CXADR: variants seen among roughly 807,000 people sequenced by gnomAD.
CXADR encodes the protein coxsackievirus and adenovirus receptor.
CXADR carries 20 observed loss-of-function variants against 40.3 expected under a neutral mutation model. That is an observed-to-expected ratio of 0.50 (90% CI 0.35 to 0.72). The LOEUF (loss-of-function observed/expected upper bound fraction) is 0.72, where lower values mean the gene tolerates loss of function less well. CXADR is among the 30% of genes least tolerant of loss of function. The probability of loss-of-function intolerance (pLI) is 0.01; values close to 1 mark genes in which losing one functional copy is unlikely to be tolerated. For synonymous variants in CXADR, 150 were observed against 161.3 expected (o/e 0.93, Z 0.53); for missense variants, 332 against 449.1 (o/e 0.74, Z 2.36).
intron 1 of CXADR, among the ~76,000 whole-genome samples, chr21:17,528,807 A>G (rs1464770314): frequency 6.6e-6 from 1 of 152,036 alleles, no homozygotes; most frequent in African/African-American, 2.4e-5. Context: ...CTTCTCCTTA[A>G]TATCAGTGAG....
intron 3 of CXADR, among the ~76,000 whole-genome samples, chr21:17,554,495 G>A (rs1011920131): frequency 9.2e-5 from 14 of 152,194 alleles, no homozygotes; most frequent in African/African-American, 3.1e-4. Context: ...CAAGGAGGGG[G>A]AGAGGGGATA....
the CXADR span, among the ~76,000 whole-genome samples, chr21:17,608,572 A>G: frequency 6.6e-6 from 1 of 151,672 alleles, no homozygotes; most frequent in East Asian, 1.9e-4. Flanking sequence ...TTTTTTTCAA[A>G]GAACATATAA....
At chr21:17,582,748 G>A (rs186960493) in intron 7 of CXADR, among the ~76,000 whole-genome samples, 8 of 152,220 alleles carry the variant, frequency 5.3e-5, no homozygotes, top group Admixed American at 6.5e-5. Context: ...TCAAGTTGTC[G>A]GAATTTTTGC....
chr21:17,572,293 C>G (rs554160240), downstream of CXADR, among the ~76,000 whole-genome samples: 2 of 151,660 alleles, frequency 1.3e-5, no homozygotes, highest in African/African-American at 4.8e-5. Context: ...TTGCTTGAAC[C>G]TGGGAGGCAG....
intron 7 of CXADR, among the ~76,000 whole-genome samples, chr21:17,586,817 C>T (rs1307895946): frequency 6.6e-6 from 1 of 151,826 alleles, no homozygotes; most frequent in Non-Finnish European, 1.5e-5. Flanking sequence ...ATACATGTGC[C>T]GTGTTGGTGT....
chr21:17,559,371 G>A (rs1417373503), intron 4 of CXADR, among the ~76,000 whole-genome samples: 2 of 151,126 alleles, frequency 1.3e-5, no homozygotes, highest in African/African-American at 4.9e-5. Flanking sequence ...AATGTGTAGA[G>A]ACAGGATCTC....
rs1030245611 is a variant in CXADR, at chr21:17,565,345, C to T, written c.834-83C>T. 8 of 1,447,526 alleles carry T rather than the reference C, an allele frequency of 5.5e-6. No homozygotes were observed. In the African/African-American group the frequency reaches 8.5e-5, roughly 15 times the overall value. 89.7% of individuals were successfully genotyped at this position (1,447,526 alleles called of 1,614,324 possible). A position where few individuals can be genotyped will look rare whatever the true frequency, so the allele number is the denominator to read the frequency against. On this transcript the variant is annotated intron_variant, in intron 6 of 6. Transcript: ENST00000284878. ...TATGTTTAGTACCTAAATACAGGCTCTTATCCATGATTCATAGCTTGCATA... is the reference window on the plus strand; with the variant it reads ...TATGTTTAGTACCTAAATACAGGCTTTTATCCATGATTCATAGCTTGCATA...
intron 7 of CXADR, among the ~76,000 whole-genome samples, chr21:17,590,991 GTGGT>G (rs2061430963): frequency 6.6e-6 from 1 of 152,010 alleles, no homozygotes; most frequent in Non-Finnish European, 1.5e-5. Flanking sequence ...AGATTTATTA[GTGGT>G]TAATCAATAG....
At chr21:17,607,641 C>G in the CXADR span, among the ~76,000 whole-genome samples, 4 of 152,190 alleles carry the variant, frequency 2.6e-5, no homozygotes, top group African/African-American at 4.8e-5. Flanking sequence ...GCTGTACTTG[C>G]AAGAGCCCAG....
rs1489946432 is a variant in CXADR at position 17,560,728 on chromosome 21, A to G, written c.598A>G (p.Lys200Glu). 6.2e-7 allele frequency: 1 copy of G among 1,613,440 alleles called. No homozygotes were observed. The highest frequency in any genetic ancestry group is 1.1e-5 in the South Asian group (1 of 91,056). ...AEMTSSVISV[K>E]NASSEYSGTY... is the part of the protein sequence containing the mutation. Reference sequence around the variant, plus strand: ...AATGACTTCATCTGTTATATCTGTAAAAAATGCCTCTTCTGAGTACTCTGG... The same window carrying G: ...AATGACTTCATCTGTTATATCTGTAGAAAATGCCTCTTCTGAGTACTCTGG... Residue 200 changes from lysine to glutamate, a missense_variant, in exon 5 of 7, where the codon AAA (lysine) becomes GAA (glutamate). Around this residue, in one of 3 missense-constraint regions of CXADR, gnomAD observed 20 missense variants for 56.4 expected, o/e 0.35. Transcript: ENST00000284878.
chr21:17,587,688 C>T (rs2061407558), intron 7 of CXADR, among the ~76,000 whole-genome samples: 1 of 152,080 alleles, frequency 6.6e-6, no homozygotes, highest in Admixed American at 6.6e-5. Flanking sequence ...CTGTAGGTTG[C>T]CTGTTCACTC....
chr21:17,533,001 A>G (rs1272049278), intron 1 of CXADR, among the ~76,000 whole-genome samples: 3 of 152,098 alleles, frequency 2.0e-5, no homozygotes, highest in African/African-American at 7.2e-5. Flanking sequence ...GACTCAGAGA[A>G]CTCCTGCTAA....
downstream of CXADR, among the ~76,000 whole-genome samples, chr21:17,572,708 T>C (rs1448610207): frequency 1.3e-5 from 2 of 152,050 alleles, no homozygotes; most frequent in Non-Finnish European, 2.9e-5. Flanking sequence ...TAACTAACGT[T>C]GTTTTTTTTC....
chr21:17,534,729 T>G (rs908712419), intron 1 of CXADR, among the ~76,000 whole-genome samples: 2 of 152,026 alleles, frequency 1.3e-5, no homozygotes, highest in African/African-American at 4.8e-5. Context: ...CTCGAACCTC[T>G]AAATCTACTT....
At chr21:17,571,205 C>T (rs1325485909), downstream of CXADR, among the ~76,000 whole-genome samples, 1 of 152,198 alleles carries the variant, frequency 6.6e-6, no homozygotes, top group African/African-American at 2.4e-5. Context: ...TTAAATACCA[C>T]TTATTACTAG....
chr21:17,556,228 A>G (rs2061033657), intron 3 of CXADR, among the ~76,000 whole-genome samples: 1 of 152,230 alleles, frequency 6.6e-6, no homozygotes. Flanking sequence ...CCAGCAGAGT[A>G]CCATGGGTTA....
At chr21:17,550,611 C>T (rs1444869482) in intron 2 of CXADR, among the ~76,000 whole-genome samples, 1 of 151,932 alleles carries the variant, frequency 6.6e-6, no homozygotes, top group Non-Finnish European at 1.5e-5. Flanking sequence ...GCTCTTTGGC[C>T]CATGGGTCTC....
intron 1 of CXADR, chr21:17,530,373 C>T (rs1369308028): frequency 2.2e-6 from 1 of 451,952 alleles, no homozygotes; most frequent in Non-Finnish European, 4.4e-6. Flanking sequence ...TATTTTACTT[C>T]TCATGTTGGT....
rs566551589 is a variant in CXADR, at chr21:17,530,028, A to G, written c.43+16856A>G. ...TAGTGGCTTGATCTCGACTCACTGC[A>G]ACCTACACCTCCTGGGTTCAAGCGA... On this transcript the variant is annotated intron_variant, in intron 1 of 6. Coordinates refer to ENST00000284878, the MANE Select transcript of CXADR (RefSeq NM_001338.5). Among the ~76,000 whole-genome samples, 404 of 150,410 alleles carry G rather than the reference A, an allele frequency of 2.7e-3. 4 individuals carry two copies. Among genetic ancestry groups the G allele is most frequent in the African/African-American group, 9.5e-3 (387 of 40,892 alleles).
Sources: gnomAD v4.1 joint callset for allele counts (sites outside exome capture counted in the v4.1 genomes callset) on GRCh38, gnomAD v4.1.1 for gene constraint, gnomAD v4.1.1 regional missense constraint, MANE v1.5 for transcripts, NCBI Gene and HGNC (gene_info 2026-07-23, HGNC 2026-07-21) for gene names.